The following MSH4 variants were observed in gnomAD, a reference collection of about 807,000 sequenced individuals.
MSH4 encodes the protein mutS homolog 4, also known as mutS protein homolog 4.
MSH4 carries 106 observed loss-of-function variants against 113.7 expected under a neutral mutation model. The observed-to-expected ratio is 0.93, with a 90% CI of 0.80 to 1.10. MSH4 has a LOEUF of 1.10. MSH4 is among the 50% of genes least tolerant of loss of function. MSH4 has a pLI of 0.00. For missense variants in MSH4, 1,061 were observed against 1,093.7 expected (o/e 0.97, Z 0.42); for synonymous variants, 368 against 380.2 (o/e 0.97, Z 0.37).
In MSH4 at chr1:75,797,204, C is replaced by A. The variant is rs764301512; in HGVS notation, c.219C>A (p.Pro73=). 3 of 1,606,246 alleles carry A rather than the reference C, an allele frequency of 1.9e-6. No homozygotes were observed. Among genetic ancestry groups the A allele is most frequent in the East Asian group, 4.5e-5 (2 of 44,630 alleles). The change falls in exon 1 of 20, where the codon CCC becomes CCA. Residue 73 remains proline, a synonymous_variant. Coordinates refer to ENST00000263187, the MANE Select transcript of MSH4 (RefSeq NM_002440.4). Reference sequence around the variant, plus strand: ...GCAGCAGCAGCAGCCTTCCCTGCCCCGCGCCAAACTCCCGGCCAGCTCAAG... The same window carrying A: ...GCAGCAGCAGCAGCCTTCCCTGCCCAGCGCCAAACTCCCGGCCAGCTCAAG... The part of the protein sequence containing the change: ...RSSSSSSLPC[P]APNSRPAQGS...
At chr1:75,820,462 G>A (rs1174831925) in intron 6 of MSH4, among the ~76,000 whole-genome samples, 1 of 152,178 alleles carries the variant, frequency 6.6e-6, no homozygotes, top group East Asian at 1.9e-4. Flanking sequence ...ACATTTTTTG[G>A]TTGGTAAGCT....
chr1:75,887,802 TTA>T (rs1238723771), intron 15 of MSH4, among the ~76,000 whole-genome samples: 3 of 152,176 alleles, frequency 2.0e-5, no homozygotes, highest in South Asian at 4.2e-4. Flanking sequence ...GACAGTTTGT[TTA>T]TGTTTTTGTT....
At chr1:75,881,750 C>A (rs1353296594) in intron 14 of MSH4, among the ~76,000 whole-genome samples, 3 of 151,968 alleles carry the variant, frequency 2.0e-5, no homozygotes, top group Admixed American at 6.6e-5. Context: ...CCAGAGTGAG[C>A]ATTTTAATCC....
At chr1:75,885,059 G>GTGTATA (rs1300289205) in intron 15 of MSH4, among the ~76,000 whole-genome samples, 34 of 112,550 alleles carry the variant, frequency 3.0e-4, no homozygotes, top group African/African-American at 5.7e-4. Flanking sequence ...GTGTGTGTGT[G>GTGTATA]TATATATATA....
At chr1:75,900,589 G>A (rs1390423578) in intron 19 of MSH4, among the ~76,000 whole-genome samples, 4 of 152,208 alleles carry the variant, frequency 2.6e-5, no homozygotes, top group South Asian at 4.1e-4. Context: ...TTACAGGTGT[G>A]AGCAACCGCT....
chr1:75,802,293 G>C lies in MSH4; in HGVS notation c.245-1438G>C, dbSNP rs141360105. ...GATGTTAATAGAAACAAAGAGGAGA[G>C]ATGAGATGCCTGGAGATGCATAATG... On this transcript the variant is annotated intron_variant, in intron 1 of 19. Transcript: ENST00000263187. Among the ~76,000 whole-genome samples, 1,303 of 152,318 alleles carry C rather than the reference G, an allele frequency of 8.6e-3. 20 individuals are homozygous for C. The highest frequency in any genetic ancestry group is 0.029 in the African/African-American group (1,192 of 41,572).
At chr1:75,845,074 G>A (rs766234452) in intron 7 of MSH4, among the ~76,000 whole-genome samples, 1 of 152,172 alleles carries the variant, frequency 6.6e-6, no homozygotes, top group Non-Finnish European at 1.5e-5. Flanking sequence ...CCATTCATGA[G>A]GGCAGAGCCC....
chr1:75,871,665 C>A (rs920371576), intron 9 of MSH4, among the ~76,000 whole-genome samples: 5 of 152,172 alleles, frequency 3.3e-5, no homozygotes, highest in Non-Finnish European at 5.9e-5. Flanking sequence ...ATTTCACATA[C>A]TTTACAAGGA....
At chr1:75,898,989 A>G (rs1436738799) in intron 18 of MSH4, among the ~76,000 whole-genome samples, 2 of 152,190 alleles carry the variant, frequency 1.3e-5, no homozygotes, top group Non-Finnish European at 2.9e-5. Context: ...TGTGTGGCAC[A>G]CTGCTTAGCA....
In MSH4 at chr1:75,889,379, C is replaced by A; in HGVS notation, c.2226+10C>A. 2 of 1,214,124 alleles carry A rather than the reference C, an allele frequency of 1.6e-6. No individual in the cohort carries two copies. The highest frequency in any genetic ancestry group is 2.3e-6 in the Non-Finnish European group (2 of 852,118). The allele number at this position is 1,214,124 out of a possible 1,614,324, so 75.2% of individuals were successfully genotyped here. ...GAAAGAAATGAAAGAGGTACCCAAA[C>A]AAAACTTTTCTTATGTTAAAAACAT... On this transcript the variant is annotated intron_variant, in intron 16 of 19. Transcript: ENST00000263187.
chr1:75,814,710 A>G (rs1366664645), intron 4 of MSH4, among the ~76,000 whole-genome samples: 2 of 152,170 alleles, frequency 1.3e-5, no homozygotes, highest in Non-Finnish European at 2.9e-5. Context: ...CTAAAAGGCA[A>G]AAGATTACTA....
chr1:75,846,727 C>G (rs967894954), intron 7 of MSH4, among the ~76,000 whole-genome samples: 4 of 152,116 alleles, frequency 2.6e-5, no homozygotes, highest in East Asian at 3.9e-4. Context: ...TTTTTCTGAG[C>G]CTTCACTAGA....
chr1:75,881,074 A>G (rs1208371439), intron 13 of MSH4, among the ~76,000 whole-genome samples, 172 bp from the exon 14 acceptor site: 2 of 152,044 alleles, frequency 1.3e-5, no homozygotes, highest in Non-Finnish European at 2.9e-5. Flanking sequence ...CAAAAACTTC[A>G]ATTTCCTCAT....
chr1:75,899,647 C>T lies in MSH4; in HGVS notation c.2560C>T (p.Pro854Ser). ...AAAAGCTGCAGAGGTGTCATCACTT[C>T]CACCATCAATTGTCTTGGATGCCAA... ...GLKAAEVSSL[P>S]PSIVLDAKEI... is the part of the protein sequence containing the mutation. The change falls in exon 19 of 20, where the codon CCA becomes TCA. Residue 854 changes from proline (P) to serine (S), a missense_variant. Transcript: ENST00000263187. 6.6e-7 allele frequency: 1 copy of T among 1,509,488 alleles called. No homozygotes were observed. Among genetic ancestry groups the T allele is most frequent in the South Asian group, 1.4e-5 (1 of 72,690 alleles). The allele number at this position is 1,509,488 out of a possible 1,614,324, so 93.5% of individuals were successfully genotyped here. A position where few individuals can be genotyped will look rare whatever the true frequency, so the allele number is the denominator to read the frequency against.
chr1:75,820,094 GATC>G (rs1282950027), intron 6 of MSH4, among the ~76,000 whole-genome samples: 6 of 142,392 alleles, frequency 4.2e-5, no homozygotes, highest in Non-Finnish European at 9.8e-5. Flanking sequence ...ATCAGAACAA[GATC>G]ATTATAGTAA....
chr1:75,823,258 C>T (rs1237053760), intron 7 of MSH4, among the ~76,000 whole-genome samples: 2 of 152,210 alleles, frequency 1.3e-5, no homozygotes, highest in Admixed American at 6.5e-5. Context: ...AATAACCTCA[C>T]ATTAGCTTGA....
In MSH4 at chr1:75,880,159, A is replaced by G. The variant is rs1190207277; in HGVS notation, c.1781+6A>G. The G allele has an allele frequency of 3.6e-6, 5 of 1,389,542 alleles. No individual in the cohort carries two copies. Among genetic ancestry groups the G allele is most frequent in the Non-Finnish European group, 4.0e-6 (4 of 1,001,526 alleles). The allele number at this position is 1,389,542 out of a possible 1,614,324, so 86.1% of individuals were successfully genotyped here. ...ATCTATCACATGACTTATATGTAAG[A>G]GCATTTGAAGTATTTGAATATTGAA... On this transcript the variant is annotated splice_donor_region_variant and intron_variant, in intron 13 of 19. Coordinates refer to ENST00000263187, the MANE Select transcript of MSH4 (RefSeq NM_002440.4).
intron 19 of MSH4, among the ~76,000 whole-genome samples, chr1:75,901,518 C>T (rs951980129): frequency 6.6e-6 from 1 of 152,076 alleles, no homozygotes; most frequent in Non-Finnish European, 1.5e-5. Flanking sequence ...AATAATATTC[C>T]ATTGTGTATA....
At position 75,819,885 on chromosome 1, in the gene MSH4, A is replaced by T. The variant is rs1369550249; in HGVS notation, c.990-2524A>T. 2.0e-5 allele frequency among the ~76,000 whole-genome samples: 3 copies of T among 149,726 alleles called. No individual in the cohort carries two copies. The East Asian group carries it at 5.9e-4, about 30-fold the overall frequency. Reference sequence around the variant, plus strand: ...GCCACTATACCTGGCTAATTTTTGTATTTTTTTTTCAGTAGAGATGGGGTT... The same window carrying T: ...GCCACTATACCTGGCTAATTTTTGTTTTTTTTTTTCAGTAGAGATGGGGTT... On this transcript the variant is annotated intron_variant, in intron 6 of 19. Coordinates refer to ENST00000263187, the MANE Select transcript of MSH4 (RefSeq NM_002440.4).
Sources: gnomAD v4.1 joint callset for allele counts (sites outside exome capture counted in the v4.1 genomes callset) on GRCh38, gnomAD v4.1.1 for gene constraint, MANE v1.5 for transcripts, NCBI Gene and HGNC (gene_info 2026-07-23, HGNC 2026-07-21) for gene names.